PBRM1: variants seen among roughly 807,000 people sequenced by gnomAD.
PBRM1 encodes the protein protein polybromo-1.
In PBRM1, 27 loss-of-function variants were observed where a neutral mutation model predicts 194.5. That is an observed-to-expected ratio of 0.14 (90% CI 0.10 to 0.19). The LOEUF (loss-of-function observed/expected upper bound fraction) is 0.19, where lower values mean the gene tolerates loss of function less well. Ranked by LOEUF, PBRM1 falls within the 10% of genes least tolerant of loss-of-function variation. The pLI is 1.00. For synonymous variants in PBRM1, 655 were observed against 693.2 expected (o/e 0.94, Z 0.87); for missense variants, 1,466 against 2,077.2 (o/e 0.71, Z 5.72).
intron 4 of PBRM1, among the ~76,000 whole-genome samples, chr3:52,660,750 TG>T (rs1418302495): frequency 6.6e-6 from 1 of 152,132 alleles, no homozygotes; most frequent in Non-Finnish European, 1.5e-5. Flanking sequence ...TGACCTCAGG[TG>T]ATCTGCCTGC....
chr3:52,601,934 T>C (rs2094025373), intron 17 of PBRM1, among the ~76,000 whole-genome samples: 1 of 152,064 alleles, frequency 6.6e-6, no homozygotes, highest in African/African-American at 2.4e-5. Context: ...AGGTAACACA[T>C]GAAGATGGGT....
intron 20 of PBRM1, among the ~76,000 whole-genome samples, chr3:52,581,540 T>A (rs1030850892): frequency 6.6e-6 from 1 of 150,432 alleles, no homozygotes; most frequent in Non-Finnish European, 1.5e-5. Context: ...TCCATATACA[T>A]GACAGGCAAG....
At chr3:52,552,109 G>A (rs60682984) in intron 27 of PBRM1, among the ~76,000 whole-genome samples, 11,588 of 152,152 alleles carry the variant, frequency 0.076, 977 homozygotes, top group African/African-American at 0.21. Context: ...ATGATTATTC[G>A]TGAATGAATG....
chr3:52,645,177 T>C (rs1051459987), intron 7 of PBRM1, among the ~76,000 whole-genome samples: 3 of 152,198 alleles, frequency 2.0e-5, no homozygotes, highest in African/African-American at 4.8e-5. Context: ...CATCCACAAA[T>C]GTAATTCCTT....
At chr3:52,661,356 T>C (rs1308293700) in intron 4 of PBRM1, among the ~76,000 whole-genome samples, 1 of 152,208 alleles carries the variant, frequency 6.6e-6, no homozygotes, top group Non-Finnish European at 1.5e-5. Flanking sequence ...AGTAAATATT[T>C]ATCAGCACCT....
intron 11 of PBRM1, among the ~76,000 whole-genome samples, chr3:52,630,833 A>G (rs2095595737): frequency 6.6e-6 from 1 of 152,224 alleles, no homozygotes; most frequent in African/African-American, 2.4e-5. Flanking sequence ...AACTTGGAAG[A>G]AGGCTGTGTT....
intron 26 of PBRM1, among the ~76,000 whole-genome samples, chr3:52,556,195 A>G (rs1377118114): frequency 6.6e-6 from 1 of 152,228 alleles, no homozygotes; most frequent in East Asian, 1.9e-4. Context: ...AGGCTATGAA[A>G]TTACTAAAAA....
intron 22 of PBRM1, among the ~76,000 whole-genome samples, chr3:52,574,824 C>T (rs952999452): frequency 6.6e-6 from 1 of 152,152 alleles, no homozygotes; most frequent in African/African-American, 2.4e-5. Context: ...CACGTATTTA[C>T]GAAAACCTCT....
In PBRM1 at chr3:52,586,357, T is replaced by TTCA. The variant is rs1315369283; in HGVS notation, c.3387+65_3387+67dup. Reference sequence around the variant, plus strand: ...TCTTTTTCTAAGTTTGAATACTTTATTCATTTATTTTCTGGAATAGGTGTT... The same window carrying TTCA: ...TCTTTTTCTAAGTTTGAATACTTTATTCATCATTTATTTTCTGGAATAGGTGTT... On this transcript the variant is annotated intron_variant, in intron 20 of 29. Coordinates refer to ENST00000296302, the Ensembl canonical transcript of PBRM1. 6.1e-5 allele frequency: 80 copies of TTCA among 1,304,688 alleles called. No individual in the cohort carries two copies. The East Asian group carries it at 1.8e-3, about 29-fold the overall frequency. The allele number at this position is 1,304,688 out of a possible 1,614,324, so 80.8% of individuals were successfully genotyped here.
At chr3:52,640,653 T>C (rs533258595) in intron 10 of PBRM1, among the ~76,000 whole-genome samples, 3 of 147,420 alleles carry the variant, frequency 2.0e-5, no homozygotes, top group Non-Finnish European at 3.0e-5. Flanking sequence ...CTCTTTTTCT[T>C]CCCCCCAAGA....
intron 5 of PBRM1, among the ~76,000 whole-genome samples, chr3:52,653,234 C>T (rs2096542268): frequency 6.6e-6 from 1 of 152,130 alleles, no homozygotes; most frequent in Non-Finnish European, 1.5e-5. Context: ...GATGCTTCTG[C>T]TTATTTCAGT....
Position 52,629,582 on chromosome 3 carries a change from A to C in PBRM1, c.1302-547T>G, listed in dbSNP as rs953541844. Among the ~76,000 whole-genome samples the C allele has an allele frequency of 2.0e-5, 3 of 152,242 alleles. No individual in the cohort carries two copies. The East Asian group carries it at 5.8e-4, about 29-fold the overall frequency. On this transcript the variant is annotated intron_variant, in intron 11 of 29. Coordinates refer to ENST00000296302, the Ensembl canonical transcript of PBRM1. Reference sequence around the variant, plus strand: ...GATATGTCAGAGTCCATTCATTTCTATTCTTCCAATATAAACACATAATAA... The same window carrying C: ...GATATGTCAGAGTCCATTCATTTCTCTTCTTCCAATATAAACACATAATAA...
intron 25 of PBRM1, among the ~76,000 whole-genome samples, chr3:52,558,875 A>T (rs2082786057): frequency 1.3e-5 from 2 of 152,202 alleles, no homozygotes; most frequent in African/African-American, 4.8e-5. Flanking sequence ...CTTTGTACCC[A>T]ATTTTACTAA....
intron 10 of PBRM1, among the ~76,000 whole-genome samples, chr3:52,635,302 C>G (rs1243220812): frequency 6.6e-6 from 1 of 152,142 alleles, no homozygotes; most frequent in Non-Finnish European, 1.5e-5. Flanking sequence ...TGTGATGGCT[C>G]ACGCCTGTAA....
At chr3:52,589,694 T>G (rs1305409613) in intron 17 of PBRM1, among the ~76,000 whole-genome samples, 1 of 152,212 alleles carries the variant, frequency 6.6e-6, no homozygotes, top group Non-Finnish European at 1.5e-5. Context: ...ACACATTTAA[T>G]GGAGTCTTAG....
chr3:52,610,553 GGTAAATGGCTGATTCCCA>G (rs2094555500), intron 15 of PBRM1, among the ~76,000 whole-genome samples: 1 of 152,158 alleles, frequency 6.6e-6, no homozygotes, highest in Non-Finnish European at 1.5e-5. Flanking sequence ...AGGGCTCCTT[GGTAAATGGCTGATTCCCA>G]GTCTGGTATA....
chr3:52,596,006 GT>G (rs1408270082), intron 17 of PBRM1, among the ~76,000 whole-genome samples: 1 of 152,106 alleles, frequency 6.6e-6, no homozygotes, highest in African/African-American at 2.4e-5. Context: ...ATATTTGTCT[GT>G]TTTTATGCCA....
intron 17 of PBRM1, among the ~76,000 whole-genome samples, chr3:52,598,660 G>GTTTGAA (rs1451289083): frequency 2.6e-5 from 4 of 152,148 alleles, no homozygotes; most frequent in Non-Finnish European, 5.9e-5. Flanking sequence ...CAGGAGGGGG[G>GTTTGAA]ATCCCTTGAG....
chr3:52,629,739 T>C (rs771590558), intron 11 of PBRM1, among the ~76,000 whole-genome samples: 12 of 152,232 alleles, frequency 7.9e-5, no homozygotes, highest in Non-Finnish European at 1.5e-4. Context: ...GAGTCACTAT[T>C]TGCTGTAACA....
Sources: allele counts gnomAD v4.1 joint callset (sites outside exome capture counted in the v4.1 genomes callset), GRCh38; gene constraint gnomAD v4.1.1; transcripts MANE v1.5; gene names NCBI Gene and HGNC (gene_info 2026-07-23, HGNC 2026-07-21).